LEKR1: variants seen among roughly 807,000 people sequenced by gnomAD.
LEKR1 encodes the protein leucine, glutamate and lysine rich 1, also known as protein LEKR1.
Under a neutral mutation model 72.4 loss-of-function variants are expected in LEKR1, and 59 were observed. The observed-to-expected ratio is 0.82, with a 90% CI of 0.66 to 1.01. The LOEUF is 1.01. Ranked by LOEUF, LEKR1 falls within the 50% of genes least tolerant of loss-of-function variation. The pLI is 0.00. For synonymous variants in LEKR1, 257 were observed against 263.2 expected (o/e 0.98, Z 0.23); for missense variants, 728 against 759.2 (o/e 0.96, Z 0.48).
chr3:156,979,355 C>CAAGAATTAGG, intron 7 of LEKR1, 80 bp downstream of exon 7: 3 of 621,602 alleles, frequency 4.8e-6, no homozygotes, highest in Non-Finnish European at 2.6e-6. Context: ...GAAGAAATGA[C>CAAGAATTAGG]AAGAATTATA....
chr3:156,944,299 A>T (rs1346168771), intron 6 of LEKR1, among the ~76,000 whole-genome samples: 1 of 151,792 alleles, frequency 6.6e-6, no homozygotes, highest in Non-Finnish European at 1.5e-5. Context: ...GTAGGGGTAT[A>T]TATTTATAGG....
chr3:157,036,295 C>A (rs1467856944), intron 12 of LEKR1, among the ~76,000 whole-genome samples: 1 of 151,674 alleles, frequency 6.6e-6, no homozygotes, highest in African/African-American at 2.4e-5. Flanking sequence ...AATATAAGGA[C>A]TGAAATTTTA....
chr3:157,023,306 T>C (rs1292004262), intron 10 of LEKR1, among the ~76,000 whole-genome samples: 1 of 152,202 alleles, frequency 6.6e-6, no homozygotes, highest in East Asian at 1.9e-4. Flanking sequence ...ACTCCAGTTC[T>C]AATAGATTTC....
At chr3:156,969,707 G>A (rs1225519040) in intron 6 of LEKR1, among the ~76,000 whole-genome samples, 1 of 152,170 alleles carries the variant, frequency 6.6e-6, no homozygotes. Flanking sequence ...GGAGGAGCTG[G>A]TACCATTCCT....
intron 3 of LEKR1, among the ~76,000 whole-genome samples, chr3:156,905,422 TA>T (rs939907548): frequency 2.0e-5 from 3 of 152,186 alleles, no homozygotes; most frequent in African/African-American, 7.2e-5. Flanking sequence ...ATTTTCTAAA[TA>T]AAAGCAGTAT....
At chr3:156,850,307 G>C (rs1008223470) in intron 2 of LEKR1, among the ~76,000 whole-genome samples, 3 of 151,598 alleles carry the variant, frequency 2.0e-5, no homozygotes, top group Admixed American at 2.0e-4. Flanking sequence ...TCTGTACTTG[G>C]ATCTGAAAAG....
intron 3 of LEKR1, among the ~76,000 whole-genome samples, chr3:156,865,236 G>A (rs1717174986): frequency 1.3e-5 from 2 of 151,988 alleles, no homozygotes; most frequent in South Asian, 4.1e-4. Context: ...GAATCAGATT[G>A]CCTGGATTTG....
In LEKR1 at chr3:157,045,979, G is replaced by T; in HGVS notation, c.*229G>T. On this transcript the variant is annotated 3_prime_UTR_variant, in exon 13 of 13. Transcript: ENST00000356539. ...ATCATTAAGTTGTTGGTATTCCAGA[G>T]GTCCGATTTCTATGTTTATGTTGGA... 1 of 478,468 alleles carries T rather than the reference G, an allele frequency of 2.1e-6. No individual in the cohort carries two copies. Among genetic ancestry groups the T allele is most frequent in the Non-Finnish European group, 3.7e-6 (1 of 272,674 alleles). 29.6% of individuals were successfully genotyped at this position (478,468 alleles called of 1,614,324 possible).
At chr3:156,830,641 T>C (rs1302527643) in intron 2 of LEKR1, among the ~76,000 whole-genome samples, 8 of 152,118 alleles carry the variant, frequency 5.3e-5, no homozygotes. Flanking sequence ...AGAATTGTTA[T>C]AAGAAAGGCA....
chr3:156,923,916 A>G (rs868597179), intron 4 of LEKR1, among the ~76,000 whole-genome samples: 40 of 152,112 alleles, frequency 2.6e-4, no homozygotes, highest in Middle Eastern at 3.4e-3. Flanking sequence ...TTTAGTAGAG[A>G]TGGGATTTCA....
chr3:156,867,666 G>T (rs1717470999), intron 3 of LEKR1, among the ~76,000 whole-genome samples: 2 of 151,922 alleles, frequency 1.3e-5, no homozygotes, highest in Admixed American at 6.6e-5. Flanking sequence ...TTTTAAACAT[G>T]CAGCAAATAG....
At chr3:157,038,503 C>G (rs1735119425) in intron 12 of LEKR1, among the ~76,000 whole-genome samples, 1 of 152,078 alleles carries the variant, frequency 6.6e-6, no homozygotes, top group Non-Finnish European at 1.5e-5. Flanking sequence ...ACCCTTGGGA[C>G]TGAATGAGAT....
chr3:156,837,795 TG>T (rs1448049020), intron 2 of LEKR1, among the ~76,000 whole-genome samples: 2 of 152,244 alleles, frequency 1.3e-5, no homozygotes. Flanking sequence ...GCCAGAAGCC[TG>T]GCTGGTAGGA....
At chr3:156,970,222 T>C (rs1729035156) in intron 6 of LEKR1, among the ~76,000 whole-genome samples, 1 of 152,236 alleles carries the variant, frequency 6.6e-6, no homozygotes, top group African/African-American at 2.4e-5. Context: ...AAGACAGGGA[T>C]GCCCTCTCTC....
chr3:157,023,421 G>A (rs1039873035), intron 10 of LEKR1, among the ~76,000 whole-genome samples: 1 of 152,186 alleles, frequency 6.6e-6, no homozygotes, highest in Admixed American at 6.5e-5. Context: ...GCTTAGTGCT[G>A]TCTGAAAATG....
rs533700247 is a variant in LEKR1, at chr3:156,871,883, G to A, written c.263+18901G>A. Among the ~76,000 whole-genome samples the A allele has an allele frequency of 8.5e-5, 13 of 152,076 alleles. No homozygotes were observed. The East Asian group carries it at 2.3e-3, about 27-fold the overall frequency. ...GCATTTATGTTCATCAGGGATATTG[G>A]CTTATAATTTTATTTTTAGTTGTGT... is the stretch of plus-strand genomic sequence containing the variant. On this transcript the variant is annotated intron_variant, in intron 3 of 12. Transcript: ENST00000356539.
intron 2 of LEKR1, among the ~76,000 whole-genome samples, chr3:156,843,612 T>C (rs1446391161): frequency 1.3e-5 from 2 of 152,208 alleles, no homozygotes; most frequent in Non-Finnish European, 2.9e-5. Flanking sequence ...TTCAGTAAAG[T>C]AATTTTAGTA....
At chr3:156,848,407 A>C (rs1472358434) in intron 2 of LEKR1, among the ~76,000 whole-genome samples, 2 of 152,202 alleles carry the variant, frequency 1.3e-5, no homozygotes, top group Non-Finnish European at 1.5e-5. Context: ...GTGATTTGTG[A>C]GGATATATTA....
At chr3:156,981,590 T>G (rs189268690) in intron 7 of LEKR1, among the ~76,000 whole-genome samples, 101 of 152,346 alleles carry the variant, frequency 6.6e-4, no homozygotes, top group African/African-American at 2.3e-3. Context: ...CTGGAGACCT[T>G]TCTCTATGCT....
Sources: gnomAD v4.1 joint callset for allele counts (sites outside exome capture counted in the v4.1 genomes callset) on GRCh38, gnomAD v4.1.1 for gene constraint, MANE v1.5 for transcripts, NCBI Gene and HGNC (gene_info 2026-07-23, HGNC 2026-07-21) for gene names.